USP25: variants seen among roughly 807,000 people sequenced by gnomAD.
USP25 encodes ubiquitin specific peptidase 25.
A neutral mutation model predicts 158.5 loss-of-function variants in USP25; 85 were observed. The observed-to-expected ratio is 0.54, with a 90% CI of 0.45 to 0.64. The LOEUF (loss-of-function observed/expected upper bound fraction) is 0.64. Ranked by LOEUF, USP25 falls within the 30% of genes least tolerant of loss-of-function variation. USP25 has a pLI of 0.00. For missense variants in USP25, 1,242 were observed against 1,327.3 expected (o/e 0.94, Z 1.00); for synonymous variants, 464 against 460.4 (o/e 1.01, Z -0.10).
rs1403673053 is a variant in USP25 at position 15,864,304 on chromosome 21, G to T, written c.2584G>T (p.Ala862Ser). Residue 862 changes from alanine to serine, a missense_variant, in exon 21 of 26, where the codon GCC becomes TCC. Physicochemically the swap from Ala to Ser is moderately conservative, Grantham distance 99. Transcript: ENST00000400183. The stretch of plus-strand genomic sequence containing the variant: ...GGAATATGCAAGGTTGGTTAAGTTG[G>T]CCCAAGAAGACACCCCACCAGAAAC... ...KLEYARLVKL[A>S]QEDTPPETDY... 3 of 1,610,430 alleles carry T rather than the reference G, an allele frequency of 1.9e-6. No homozygotes were observed. Among genetic ancestry groups the T allele is most frequent in the Non-Finnish European group, 2.5e-6 (3 of 1,179,108 alleles).
chr21:15,855,955 G>T (rs2039116598), intron 20 of USP25, among the ~76,000 whole-genome samples: 1 of 152,188 alleles, frequency 6.6e-6, no homozygotes, highest in Non-Finnish European at 1.5e-5. Flanking sequence ...TCAACAGTGT[G>T]TTTGGAGCTT....
At chr21:15,854,467 C>A (rs1336088546) in intron 20 of USP25, among the ~76,000 whole-genome samples, 1 of 151,618 alleles carries the variant, frequency 6.6e-6, no homozygotes, top group Non-Finnish European at 1.5e-5. Flanking sequence ...TTTTTAATAT[C>A]TCTTCTGTCC....
intron 22 of USP25, among the ~76,000 whole-genome samples, chr21:15,869,276 A>G (rs1013367406): frequency 1.3e-5 from 2 of 151,524 alleles, no homozygotes; most frequent in African/African-American, 4.8e-5. Flanking sequence ...TTTATATTCA[A>G]GGAGAATATC....
intron 23 of USP25, among the ~76,000 whole-genome samples, chr21:15,873,735 C>T (rs549339703): frequency 7.9e-5 from 12 of 152,040 alleles, no homozygotes; most frequent in Non-Finnish European, 1.6e-4. Context: ...TCAGGTGGTC[C>T]GTCTGCCTCA....
chr21:15,782,737 C>A (rs2035038165), intron 4 of USP25, among the ~76,000 whole-genome samples: 1 of 152,084 alleles, frequency 6.6e-6, no homozygotes, highest in Non-Finnish European at 1.5e-5. Flanking sequence ...ACCCTAGGAC[C>A]CATCAACAGG....
chr21:15,818,390 C>T (rs2037057802), intron 9 of USP25, among the ~76,000 whole-genome samples: 4 of 152,092 alleles, frequency 2.6e-5, no homozygotes. Flanking sequence ...CTCTCTTGTT[C>T]ACTGCTGTAT....
In USP25 at chr21:15,766,448, T is replaced by C. The variant is rs1196161268; in HGVS notation, c.268+307T>C. Among the ~76,000 whole-genome samples the C allele has an allele frequency of 6.6e-6, 1 of 152,084 alleles. No individual in the cohort carries two copies. The highest frequency in any genetic ancestry group is 1.5e-5 in the Non-Finnish European group (1 of 67,962). On this transcript the variant is annotated intron_variant, in intron 3 of 25. Coordinates refer to ENST00000400183, the MANE Select transcript of USP25 (RefSeq NM_001283041.3). The surrounding 1 kb of genome is among the most constrained non-coding windows in gnomAD (Gnocchi z 4.0). ...GAATTTTTAGTGGGCACAGTTATTTTGCAGATTTTAAGTGCTGGTAGAGGC... is the reference window on the plus strand; with the variant it reads ...GAATTTTTAGTGGGCACAGTTATTTCGCAGATTTTAAGTGCTGGTAGAGGC...
chr21:15,869,602 T>A (rs2039801475), intron 22 of USP25, among the ~76,000 whole-genome samples: 1 of 152,172 alleles, frequency 6.6e-6, no homozygotes, highest in Non-Finnish European at 1.5e-5. Flanking sequence ...TACCACATAT[T>A]TGCGAAGTTA....
At chr21:15,749,784 C>T (rs1047834341) in intron 1 of USP25, among the ~76,000 whole-genome samples, 3 of 152,070 alleles carry the variant, frequency 2.0e-5, no homozygotes, top group Non-Finnish European at 2.9e-5. Context: ...GTAGGCAGGT[C>T]GAAGTGTTAT....
At chr21:15,829,227 TG>T (rs1263529994) in intron 14 of USP25, among the ~76,000 whole-genome samples, 37 of 152,150 alleles carry the variant, frequency 2.4e-4, no homozygotes, top group Admixed American at 2.2e-3. Flanking sequence ...TTACATGTCT[TG>T]GGGGTTTGGT....
chr21:15,797,901 C>T (rs11910884), intron 5 of USP25, among the ~76,000 whole-genome samples: 30,277 of 150,978 alleles, frequency 0.2, 4,742 homozygotes, highest in African/African-American at 0.44. Context: ...TTACAATTGA[C>T]CTATTTTATT....
At position 15,740,430 on chromosome 21, in the gene USP25, C is replaced by T. The variant is rs539422672; in HGVS notation, c.45+9992C>T. The stretch of plus-strand genomic sequence containing the variant: ...TTTTGTTTCAGGTGTTTCTCTCCAT[C>T]AGTGCAGCAACATGTTTCCTTGTAG... On this transcript the variant is annotated intron_variant, in intron 1 of 25. Coordinates refer to ENST00000400183, the MANE Select transcript of USP25 (RefSeq NM_001283041.3). Among the ~76,000 whole-genome samples the T allele has an allele frequency of 3.3e-5, 5 of 152,136 alleles. No individual in the cohort carries two copies. The South Asian group carries it at 1.0e-3, about 32-fold the overall frequency.
rs775494106 is a variant in USP25, at chr21:15,809,035, A to G, written c.857+150A>G. ...GACAAGCTGTTTAGAATTTGCAGGC[A>G]CAAATAATAGTGTAACCAAAAAAAT... is the stretch of plus-strand genomic sequence containing the variant. On this transcript the variant is annotated intron_variant, in intron 8 of 25. Coordinates refer to ENST00000400183, the MANE Select transcript of USP25 (RefSeq NM_001283041.3). The G allele has an allele frequency of 1.6e-5, 9 of 579,648 alleles. No homozygotes were observed. The South Asian group carries it at 3.2e-4, about 21-fold the overall frequency. 35.9% of individuals were successfully genotyped at this position (579,648 alleles called of 1,614,324 possible). A position where few individuals can be genotyped will look rare whatever the true frequency, so the allele number is the denominator to read the frequency against.
At chr21:15,808,097 A>G (rs113197440) in intron 7 of USP25, among the ~76,000 whole-genome samples, 3 of 152,340 alleles carry the variant, frequency 2.0e-5, no homozygotes, top group African/African-American at 7.2e-5. Context: ...CAAATTGCTT[A>G]CTACTGATTC....
In USP25 at chr21:15,730,241, C is replaced by G. The variant is rs550078648; in HGVS notation, c.-153C>G. On this transcript the variant is annotated 5_prime_UTR_variant, in exon 1 of 26. Coordinates refer to ENST00000400183, the MANE Select transcript of USP25 (RefSeq NM_001283041.3). ...GCCCGCGGTGCCCGCGCACGCCGGC[C>G]GCCATCGCCTTCGCGCCTGGCTGGC... The G allele has an allele frequency of 2.4e-6, 2 of 837,484 alleles. No homozygotes were observed. The highest frequency in any genetic ancestry group is 2.9e-6 in the Non-Finnish European group (2 of 695,976). 51.9% of individuals were successfully genotyped at this position (837,484 alleles called of 1,614,324 possible).
Position 15,826,237 on chromosome 21 carries a change from C to T in USP25, c.1338C>T (p.Phe446=). 1 of 1,613,988 alleles carries T rather than the reference C, an allele frequency of 6.2e-7. No homozygotes were observed. Among genetic ancestry groups the T allele is most frequent in the South Asian group, 1.1e-5 (1 of 91,060 alleles). The change falls in exon 13 of 26, where the codon TTC becomes TTT. Residue 446 remains phenylalanine, a synonymous_variant. Transcript: ENST00000400183. The surrounding 1 kb of genome is among the most constrained non-coding windows in gnomAD (Gnocchi z 4.8). ...GCTATGGTTCCGGTCCCAAACGATTCCCCTTGGTAGATGTTCTTCAGTATG... is the reference window on the plus strand; with the variant it reads ...GCTATGGTTCCGGTCCCAAACGATTTCCCTTGGTAGATGTTCTTCAGTATG... ...YLSYGSGPKR[F]PLVDVLQYAL...
intron 1 of USP25, among the ~76,000 whole-genome samples, chr21:15,736,805 G>C (rs1372885267): frequency 6.6e-6 from 1 of 151,674 alleles, no homozygotes; most frequent in Admixed American, 6.6e-5. Flanking sequence ...AATTTTCTTA[G>C]TGTTGCAGAT....
At chr21:15,779,319 T>G (rs1218141631) in intron 4 of USP25, among the ~76,000 whole-genome samples, 1 of 152,008 alleles carries the variant, frequency 6.6e-6, no homozygotes, top group East Asian at 1.9e-4. Flanking sequence ...CTTGAATAAT[T>G]ATGAAACAAC....
Position 15,878,008 on chromosome 21 carries a change from G to A in USP25, c.3205+17G>A, listed in dbSNP as rs757382861. On this transcript the variant is annotated intron_variant, in intron 25 of 25. Coordinates refer to ENST00000400183, the MANE Select transcript of USP25 (RefSeq NM_001283041.3). Reference sequence around the variant, plus strand: ...AAATGGAACGTAAGTTTAAACAATGGTAGTAGGCACCTGAGATGTCCGGAT... The same window carrying A: ...AAATGGAACGTAAGTTTAAACAATGATAGTAGGCACCTGAGATGTCCGGAT... 1.9e-6 allele frequency: 3 copies of A among 1,590,844 alleles called. No homozygotes were observed. The highest frequency in any genetic ancestry group is 2.3e-5 in the South Asian group (2 of 88,222).
Sources: allele counts gnomAD v4.1 joint callset (sites outside exome capture counted in the v4.1 genomes callset), GRCh38; gene constraint gnomAD v4.1.1; non-coding constraint Gnocchi (gnomAD v3.1); transcripts MANE v1.5; gene names NCBI Gene and HGNC (gene_info 2026-07-23, HGNC 2026-07-21).